IKBKB-DT: variants seen among roughly 807,000 people sequenced by gnomAD.
IKBKB-DT encodes IKBKB antisense RNA.
At chr8:42,257,424 C>T (rs1036598928) in intron 3 of IKBKB-DT, among the ~76,000 whole-genome samples, 1 of 152,026 alleles carries the variant, frequency 6.6e-6, no homozygotes, top group Non-Finnish European at 1.5e-5. Flanking sequence ...ATCTCTTGAA[C>T]CCGGAGGTGG....
exon 1 of IKBKB-DT, chr8:42,270,708 C>G (rs538569596): frequency 6.6e-6 from 1 of 152,462 alleles, no homozygotes; most frequent in South Asian, 2.0e-4. Context: ...TGAGGACATT[C>G]TGATTCCAAG....
rs1272542243 is a variant in IKBKB-DT, at chr8:42,241,957, T to C, written n.1530-8098A>G. 1.3e-5 allele frequency among the ~76,000 whole-genome samples: 2 copies of C among 152,200 alleles called. 1 individual carries two copies. On this transcript the variant is annotated intron_variant and non_coding_transcript_variant, in intron 3 of 3. Transcript: ENST00000518213. ...GGCCTGGCGTGGTGGCTCACACCTGTAATCCCAACAGTTTGGGAGGCCGAA... is the reference window on the plus strand; with the variant it reads ...GGCCTGGCGTGGTGGCTCACACCTGCAATCCCAACAGTTTGGGAGGCCGAA...
chr8:42,259,913 C>A (rs113886882), intron 3 of IKBKB-DT, among the ~76,000 whole-genome samples: 1 of 147,770 alleles, frequency 6.8e-6, no homozygotes, highest in South Asian at 2.2e-4. Flanking sequence ...ACCCCAGAGG[C>A]GGAGGTTGCA....
chr8:42,257,441 C>CA (rs1198880374), intron 3 of IKBKB-DT, among the ~76,000 whole-genome samples: 1 of 151,274 alleles, frequency 6.6e-6, no homozygotes, highest in Non-Finnish European at 1.5e-5. Flanking sequence ...GTGGAGGTTA[C>CA]AGTGAGCCAA....
intron 1 of IKBKB-DT, among the ~76,000 whole-genome samples, chr8:42,268,129 ATTTT>A (rs541093630): frequency 1.5e-5 from 2 of 130,390 alleles, no homozygotes; most frequent in Non-Finnish European, 1.6e-5. Flanking sequence ...GTGCTCAATA[ATTTT>A]TTTTTTTTTT....
At chr8:42,247,290 A>G (rs919679910) in intron 3 of IKBKB-DT, among the ~76,000 whole-genome samples, 1 of 152,174 alleles carries the variant, frequency 6.6e-6, no homozygotes. Context: ...TTTAAGATTT[A>G]ATGACTGCCC....
intron 2 of IKBKB-DT, among the ~76,000 whole-genome samples, chr8:42,264,561 A>T (rs1198868824): frequency 6.6e-6 from 1 of 152,152 alleles, no homozygotes; most frequent in Non-Finnish European, 1.5e-5. Flanking sequence ...ATATTATTTA[A>T]TTTAACTTAA....
intron 3 of IKBKB-DT, among the ~76,000 whole-genome samples, chr8:42,247,970 C>G (rs913481004): frequency 6.6e-6 from 1 of 151,700 alleles, no homozygotes; most frequent in African/African-American, 2.4e-5. Context: ...GTGGGCGCCT[C>G]TAATCCCAGC....
At chr8:42,257,033 T>C (rs947656771) in intron 3 of IKBKB-DT, among the ~76,000 whole-genome samples, 4 of 152,216 alleles carry the variant, frequency 2.6e-5, no homozygotes, top group African/African-American at 9.6e-5. Flanking sequence ...TTCTGTCACA[T>C]ACATTTTAAG....
intron 3 of IKBKB-DT, among the ~76,000 whole-genome samples, chr8:42,245,285 A>C (rs1242101875): frequency 6.6e-6 from 1 of 152,060 alleles, no homozygotes; most frequent in African/African-American, 2.4e-5. Flanking sequence ...ATAATAATAA[A>C]AGAAATTCTA....
intron 1 of IKBKB-DT, among the ~76,000 whole-genome samples, chr8:42,268,815 C>T (rs1807417376): frequency 6.6e-6 from 1 of 152,148 alleles, no homozygotes; most frequent in Non-Finnish European, 1.5e-5. Flanking sequence ...GATCTGCCTA[C>T]CTTGGCCTCC....
At chr8:42,260,808 C>T (rs762680093) in intron 3 of IKBKB-DT, among the ~76,000 whole-genome samples, 28 of 151,346 alleles carry the variant, frequency 1.9e-4, no homozygotes, top group Non-Finnish European at 4.0e-4. Flanking sequence ...AAAATGTATA[C>T]TTAGCAAATG....
In IKBKB-DT at chr8:42,237,407, A is replaced by G. The variant is rs142974526; in HGVS notation, n.1530-3548T>C. Among the ~76,000 whole-genome samples, 3 of 152,036 alleles carry G rather than the reference A, an allele frequency of 2.0e-5. No homozygotes were observed. In the East Asian group the frequency reaches 5.8e-4, roughly 29 times the overall value. ...GGCCTAGTCTTATGATCTCTATTTT[A>G]ACATTAATACTTATCAGTTGTTGCA... is the stretch of plus-strand genomic sequence containing the variant. On this transcript the variant is annotated intron_variant and non_coding_transcript_variant, in intron 3 of 3. Transcript: ENST00000518213.
At chr8:42,261,807 G>A (rs151012234) in intron 3 of IKBKB-DT, among the ~76,000 whole-genome samples, 236 of 152,314 alleles carry the variant, frequency 1.5e-3, no homozygotes, top group Non-Finnish European at 2.8e-3. Flanking sequence ...ACTGGTCACA[G>A]ATGGGATGCA....
chr8:42,239,784 T>C (rs540306369), intron 3 of IKBKB-DT, among the ~76,000 whole-genome samples: 1 of 150,340 alleles, frequency 6.7e-6, no homozygotes, highest in Non-Finnish European at 1.5e-5. Flanking sequence ...TAGCTGGGAG[T>C]ACAGGCACCA....
At chr8:42,254,887 C>T (rs11998461) in intron 3 of IKBKB-DT, among the ~76,000 whole-genome samples, 5,428 of 151,248 alleles carry the variant, frequency 0.036, 313 homozygotes, top group African/African-American at 0.13. Flanking sequence ...TGTCCGGCTG[C>T]CCACTGTCTG....
chr8:42,264,912 G>A (rs1807350327), intron 2 of IKBKB-DT, among the ~76,000 whole-genome samples: 1 of 151,368 alleles, frequency 6.6e-6, no homozygotes, highest in South Asian at 2.1e-4. Context: ...ACCCAGGCTG[G>A]AGTGCAATGG....
intron 3 of IKBKB-DT, among the ~76,000 whole-genome samples, chr8:42,254,692 C>T (rs1807172442): frequency 2.0e-5 from 3 of 149,578 alleles, no homozygotes; most frequent in Non-Finnish European, 4.4e-5. Context: ...TCTGCCTGGC[C>T]TCCCCATCTG....
intron 2 of IKBKB-DT, among the ~76,000 whole-genome samples, chr8:42,263,972 T>C (rs1807329949): frequency 6.6e-6 from 1 of 151,848 alleles, no homozygotes; most frequent in African/African-American, 2.4e-5. Flanking sequence ...CCACTATGCC[T>C]GGATAATTTT....
Sources: gnomAD v4.1 joint callset for allele counts (sites outside exome capture counted in the v4.1 genomes callset) on GRCh38, gnomAD v4.1.1 for gene constraint, MANE v1.5 for transcripts, NCBI Gene and HGNC (gene_info 2026-07-23, HGNC 2026-07-21) for gene names.